Variants in HEPH observed in about 807,000 individuals in gnomAD.
HEPH encodes the protein hephaestin.
A neutral mutation model predicts 80.8 loss-of-function variants in HEPH; 69 were observed. The ratio of observed to expected loss-of-function variants is 0.85; its 90% CI spans 0.70 to 1.04. The LOEUF (loss-of-function observed/expected upper bound fraction) is 1.04. Ranked by LOEUF, HEPH falls within the 50% of genes least tolerant of loss-of-function variation. The pLI is 0.00. For missense variants in HEPH, 1,115 were observed against 891.3 expected, an observed-to-expected ratio of 1.25 and a Z score of -3.20; for synonymous variants, 431 against 322.8, an observed-to-expected ratio of 1.34 and a Z score of -3.60.
At chrX:66,198,849 C>T (rs755913227) in intron 10 of HEPH, 29 bp from the exon 11 acceptor site, 1 of 1,103,722 alleles carries the variant, frequency 9.1e-7, no homozygotes, top group East Asian at 3.0e-5. Flanking sequence ...TGTCATTATT[C>T]CCTCTACTTT....
chrX:66,240,558 G>A (rs5965118), intron 15 of HEPH, among the ~76,000 whole-genome samples: 10,269 of 105,025 alleles, frequency 0.098, 1,216 homozygotes, highest in African/African-American at 0.34. Flanking sequence ...GACATACAAC[G>A]TAAAATCTAC....
At chrX:66,188,293 A>T in intron 4 of HEPH, 66 bp from the exon 5 acceptor site, 1 of 818,314 alleles carries the variant, frequency 1.2e-6, no homozygotes, top group Non-Finnish European at 1.7e-6. Context: ...TCTTATGAGT[A>T]CCCCTTTCAG....
In HEPH at chrX:66,257,965, G is replaced by C. The variant is rs376316161; in HGVS notation, c.2897-875G>C. Among the ~76,000 whole-genome samples the C allele has an allele frequency of 2.7e-5, 3 of 111,835 alleles. No individual in the cohort carries two copies. The East Asian group carries it at 8.3e-4, about 31-fold the overall frequency. ...GGATGTGGCCTGGGAAGAGACCCAT[G>C]CATTAATATCATTATTAATTCCATG... On this transcript the variant is annotated intron_variant, in intron 17 of 20. Transcript: ENST00000343002.
Position 66,172,427 on chromosome X carries a change from A to G in HEPH, c.240A>G (p.Glu80=). 1 of 1,209,875 alleles carries G rather than the reference A, an allele frequency of 8.3e-7. No individual in the cohort carries two copies. Residue 80 remains glutamate (E), a synonymous_variant, in exon 3 of 21, where the codon GAA becomes GAG. Transcript: ENST00000343002. ...CCTACAAGAAGACCATCTATAAAGA[A>G]TACAAGGATGACTCATACACAGATG... The part of the protein sequence containing the change: ...GGTYKKTIYK[E]YKDDSYTDEV...
chrX:66,170,696 G>T lies in HEPH; in HGVS notation c.126G>T (p.Lys42Asn). 1 of 1,210,562 alleles carries T rather than the reference G, an allele frequency of 8.3e-7. No individual in the cohort carries two copies. Among genetic ancestry groups the T allele is most frequent in the Non-Finnish European group, 1.1e-6 (1 of 894,901 alleles). Residue 42 changes from lysine to asparagine, a missense_variant, in exon 2 of 21, where the codon AAG (lysine) becomes AAT (asparagine). Transcript: ENST00000343002. ...ATGTGCAGTGGAACTATGCTCCCAA[G>T]GGAAGAAATGTCATCACGAACCAGC... Reference protein sequence around the residue: ...IRDVQWNYAPKGRNVITNQPL... With the variant: ...IRDVQWNYAPNGRNVITNQPL...
chrX:66,222,783 T>G (rs2089708185), intron 15 of HEPH, among the ~76,000 whole-genome samples: 1 of 111,963 alleles, frequency 8.9e-6, no homozygotes, highest in Non-Finnish European at 1.9e-5. Flanking sequence ...AGTAGAGAGC[T>G]GTCTTTGACT....
chrX:66,240,805 C>T (rs181645626), intron 15 of HEPH, among the ~76,000 whole-genome samples: 188 of 112,139 alleles, frequency 1.7e-3, no homozygotes, highest in Non-Finnish European at 2.8e-3. Flanking sequence ...TCATTCCCTA[C>T]ATACCTATAC....
intron 15 of HEPH, among the ~76,000 whole-genome samples, chrX:66,226,194 C>T (rs192166215): frequency 6.2e-5 from 7 of 112,036 alleles, no homozygotes; most frequent in Admixed American, 2.8e-4. Flanking sequence ...GGTGTGGTGC[C>T]GGGCTGTCTG....
chrX:66,260,902 G>T (rs2091339014), intron 19 of HEPH, among the ~76,000 whole-genome samples: 1 of 111,021 alleles, frequency 9.0e-6, no homozygotes, highest in Non-Finnish European at 1.9e-5. Flanking sequence ...AAGTAGCTGG[G>T]ACTGCAGGAA....
intron 15 of HEPH, among the ~76,000 whole-genome samples, chrX:66,226,572 A>G (rs1408153841): frequency 1.8e-5 from 2 of 112,203 alleles, no homozygotes; most frequent in African/African-American, 6.5e-5. Context: ...AAAATAAGAG[A>G]ATCCAAATAA....
chrX:66,194,739 G>C (rs1044090024), intron 8 of HEPH, among the ~76,000 whole-genome samples: 1 of 111,692 alleles, frequency 9.0e-6, no homozygotes, highest in Non-Finnish European at 1.9e-5. Flanking sequence ...AATGGGATGA[G>C]AGAAATTGCT....
intron 15 of HEPH, among the ~76,000 whole-genome samples, chrX:66,230,334 C>A (rs2090075084): frequency 1.0e-5 from 1 of 99,145 alleles, no homozygotes; most frequent in Admixed American, 1.1e-4. Flanking sequence ...AGTTCTATAT[C>A]CCTGAGGAAT....
chrX:66,252,449 C>A lies in HEPH; in HGVS notation c.2564-2586C>A, dbSNP rs1182134551. ...GAGGTGAGCATGTAGTTAGGTTCGACCAGTATATATTTTGCAGAACCAGAA... is the reference window on the plus strand; with the variant it reads ...GAGGTGAGCATGTAGTTAGGTTCGAACAGTATATATTTTGCAGAACCAGAA... On this transcript the variant is annotated intron_variant, in intron 15 of 20. Coordinates refer to ENST00000343002, the MANE Select transcript of HEPH (RefSeq NM_001367233.3). Among the ~76,000 whole-genome samples the A allele has an allele frequency of 2.7e-5, 3 of 110,805 alleles. No homozygotes were observed. The Admixed American group carries it at 2.9e-4, about 11-fold the overall frequency.
At chrX:66,260,037 A>T in intron 18 of HEPH, 63 bp from the exon 19 acceptor site, 1 of 1,092,182 alleles carries the variant, frequency 9.2e-7, no homozygotes, top group Non-Finnish European at 1.3e-6. Context: ...TTGGTTCCTG[A>T]AAGCTCTAAG....
chrX:66,207,575 G>A (rs1022249838), intron 14 of HEPH, among the ~76,000 whole-genome samples: 1 of 111,701 alleles, frequency 9.0e-6, no homozygotes, highest in Non-Finnish European at 1.9e-5. Flanking sequence ...GAGTCTCTGA[G>A]GATGGTAAGT....
intron 15 of HEPH, among the ~76,000 whole-genome samples, chrX:66,237,468 A>G (rs1039229800): frequency 4.5e-5 from 5 of 112,010 alleles, no homozygotes; most frequent in African/African-American, 1.6e-4. Context: ...CTTGATTTCT[A>G]ATATGATTGG....
intron 15 of HEPH, among the ~76,000 whole-genome samples, chrX:66,215,164 A>G (rs2089332588): frequency 8.9e-6 from 1 of 111,792 alleles, no homozygotes. Flanking sequence ...GGTTGTACAT[A>G]TGCTTGGTTA....
intron 16 of HEPH, 84 bp downstream of exon 16, chrX:66,255,225 T>C (rs1037797108): frequency 3.7e-6 from 2 of 534,932 alleles, no homozygotes; most frequent in Non-Finnish European, 6.1e-6. Flanking sequence ...AGAAGCTTAC[T>C]CCTGAGATTC....
rs763731453 is a variant in HEPH at position 66,261,297 on chromosome X, C to A, written c.3199+1035C>A. ...TCTGAGTTACTACCAAGGGTGGAAA[C>A]AACTTTTTCTTTATATTTTATATGG... is the stretch of plus-strand genomic sequence containing the variant. On this transcript the variant is annotated intron_variant, in intron 19 of 20. Transcript: ENST00000343002. Among the ~76,000 whole-genome samples the A allele has an allele frequency of 6.3e-5, 7 of 111,905 alleles. No homozygotes were observed. The East Asian group carries it at 2.0e-3, about 31-fold the overall frequency.
Sources: gnomAD v4.1 joint callset for allele counts (sites outside exome capture counted in the v4.1 genomes callset) on GRCh38, gnomAD v4.1.1 for gene constraint, MANE v1.5 for transcripts, NCBI Gene and HGNC (gene_info 2026-07-23, HGNC 2026-07-21) for gene names.